PTCHD4: variants seen among roughly 807,000 people sequenced by gnomAD.
PTCHD4 encodes the protein patched domain containing 4.
Under a neutral mutation model 58.1 loss-of-function variants are expected in PTCHD4, and 33 were observed. That is an observed-to-expected ratio of 0.57 (90% CI 0.43 to 0.76). The LOEUF is 0.76. Ranked by LOEUF, PTCHD4 falls within the 30% of genes least tolerant of loss-of-function variation. The pLI, the probability that PTCHD4 is intolerant of heterozygous loss-of-function variation, is 0.00. For synonymous variants in PTCHD4, 478 were observed against 409.6 expected, an observed-to-expected ratio of 1.17 and a Z score of -2.02; for missense variants, 1,058 against 1,027.1, an observed-to-expected ratio of 1.03 and a Z score of -0.41.
chr6:48,030,645 A>C (rs1763400415), intron 3 of PTCHD4, among the ~76,000 whole-genome samples: 1 of 152,140 alleles, frequency 6.6e-6, no homozygotes, highest in Non-Finnish European at 1.5e-5. Context: ...AATATCACTG[A>C]ACAATTCAAA....
intron 4 of PTCHD4, among the ~76,000 whole-genome samples, chr6:47,934,254 ACT>A (rs1765925962): frequency 6.6e-6 from 1 of 151,862 alleles, no homozygotes; most frequent in South Asian, 2.1e-4. Flanking sequence ...CTCTCCAGGG[ACT>A]CTGGCTCTGA....
rs562536167 is a variant in PTCHD4, at chr6:48,108,268, G to C, written c.-970+2781C>G. Among the ~76,000 whole-genome samples the C allele has an allele frequency of 3.6e-4, 55 of 152,212 alleles. 2 individuals are homozygous for C. The South Asian group carries it at 0.011, about 30-fold the overall frequency. On this transcript the variant is annotated intron_variant, in intron 1 of 4. Transcript: ENST00000339488. ...CATATACACCATGGAATACTATGCA[G>C]CCATAAAAAATGATGAGTTCATGTC...
rs751123842 is a variant in PTCHD4 at position 47,878,586 on chromosome 6, T to C, written c.2249A>G (p.Gln750Arg). 12 of 1,613,516 alleles carry C rather than the reference T, an allele frequency of 7.4e-6. No individual in the cohort carries two copies. In the East Asian group the frequency reaches 2.5e-4, roughly 33 times the overall value. ...TTGCAAAATGGCTGTCCCATGGTCT[T>C]GCAAGGAGCTTTTTATACATTGTGT... Reference protein sequence around the residue: ...TRTQCIKSSLQDHGTAILQNV... With the variant: ...TRTQCIKSSLRDHGTAILQNV... Residue 750 changes from glutamine (Q) to arginine (R), a missense_variant, in exon 5 of 5, where the codon CAA (glutamine) becomes CGA (arginine). Transcript: ENST00000339488.
rs190162233 is a variant in PTCHD4, at chr6:48,026,284, A to C, written c.418-17170T>G. ...GAGGTTTCTTTGTTCACTATATTTG[A>C]TACTGGCTTCCTCATGGGAACTTCT... On this transcript the variant is annotated intron_variant, in intron 3 of 4. Coordinates refer to ENST00000339488, the MANE Select transcript of PTCHD4 (RefSeq NM_001384253.1). 5.9e-5 allele frequency among the ~76,000 whole-genome samples: 9 copies of C among 152,154 alleles called. No individual in the cohort carries two copies. In the East Asian group the frequency reaches 1.7e-3, roughly 29 times the overall value.
At chr6:47,980,320 A>T (rs1012511590) in intron 4 of PTCHD4, among the ~76,000 whole-genome samples, 1 of 152,076 alleles carries the variant, frequency 6.6e-6, no homozygotes, top group East Asian at 1.9e-4. Context: ...TTATTTAGTC[A>T]TGGAAAAATC....
intron 3 of PTCHD4, among the ~76,000 whole-genome samples, chr6:48,065,638 C>A (rs942825001): frequency 3.9e-5 from 6 of 152,154 alleles, no homozygotes; most frequent in African/African-American, 1.4e-4. Flanking sequence ...AGATTCTAGG[C>A]ATCCATGGTA....
At chr6:48,036,493 C>T (rs927053546) in intron 3 of PTCHD4, among the ~76,000 whole-genome samples, 1 of 152,134 alleles carries the variant, frequency 6.6e-6, no homozygotes, top group African/African-American at 2.4e-5. Flanking sequence ...CTGTCCTACA[C>T]CATAAAATCC....
chr6:47,965,128 TG>T (rs1161252450), intron 4 of PTCHD4, among the ~76,000 whole-genome samples: 3 of 152,352 alleles, frequency 2.0e-5, no homozygotes, highest in African/African-American at 7.2e-5. Flanking sequence ...CATTTTTAAT[TG>T]GGTACTAACG....
chr6:47,939,979 G>A (rs1369256210), intron 4 of PTCHD4, among the ~76,000 whole-genome samples: 10 of 151,912 alleles, frequency 6.6e-5, no homozygotes, highest in Non-Finnish European at 5.9e-5. Flanking sequence ...ATAACAAAGG[G>A]AACTTTTGGT....
chr6:48,024,961 G>A (rs556732279), intron 3 of PTCHD4, among the ~76,000 whole-genome samples: 22 of 152,166 alleles, frequency 1.4e-4, no homozygotes, highest in Middle Eastern at 3.4e-3. Flanking sequence ...TACATCACAC[G>A]GTTTCATTTT....
chr6:48,070,092 A>G (rs1350664538), intron 1 of PTCHD4, among the ~76,000 whole-genome samples, 166 bp from the exon 2 acceptor site: 11 of 151,524 alleles, frequency 7.3e-5, no homozygotes, highest in Admixed American at 6.6e-4. Flanking sequence ...GATCAGGTCA[A>G]CTTCAAAAAC....
chr6:48,064,799 A>G (rs749211766), intron 3 of PTCHD4, among the ~76,000 whole-genome samples: 4 of 152,184 alleles, frequency 2.6e-5, no homozygotes, highest in Non-Finnish European at 4.4e-5. Context: ...AGGATATACG[A>G]TATGATTTGT....
At chr6:47,987,780 T>G (rs1057329461) in intron 4 of PTCHD4, among the ~76,000 whole-genome samples, 7 of 127,850 alleles carry the variant, frequency 5.5e-5, no homozygotes, top group Non-Finnish European at 9.9e-5. Flanking sequence ...TCACATAACA[T>G]TTTTTTTTTT....
At chr6:48,091,014 A>G (rs180808076) in intron 1 of PTCHD4, among the ~76,000 whole-genome samples, 1 of 152,252 alleles carries the variant, frequency 6.6e-6, no homozygotes, top group Admixed American at 6.5e-5. Flanking sequence ...TTATTTGAAA[A>G]TTTCACAGTA....
chr6:47,911,621 G>A (rs1466052951), intron 4 of PTCHD4, among the ~76,000 whole-genome samples: 1 of 152,022 alleles, frequency 6.6e-6, no homozygotes, highest in East Asian at 1.9e-4. Context: ...TGACTGAATT[G>A]GTAAAGACTT....
chr6:48,045,593 A>G (rs751719076), intron 3 of PTCHD4, among the ~76,000 whole-genome samples: 1 of 151,832 alleles, frequency 6.6e-6, no homozygotes, highest in Non-Finnish European at 1.5e-5. Context: ...TGTTGTAGAC[A>G]CTGAAAAGCA....
intron 3 of PTCHD4, among the ~76,000 whole-genome samples, chr6:48,017,108 C>A (rs2114102482): frequency 6.6e-6 from 1 of 152,076 alleles, no homozygotes; most frequent in South Asian, 2.1e-4. Context: ...AATATTGTTT[C>A]TTTTTTTAAT....
At chr6:47,957,694 G>A (rs144257793) in intron 4 of PTCHD4, among the ~76,000 whole-genome samples, 210 of 150,866 alleles carry the variant, frequency 1.4e-3, no homozygotes, top group African/African-American at 4.9e-3. Flanking sequence ...TCTGCCTCCC[G>A]GGTTCACGCC....
chr6:48,022,210 T>A (rs1763095965), intron 3 of PTCHD4, among the ~76,000 whole-genome samples: 1 of 151,664 alleles, frequency 6.6e-6, no homozygotes, highest in African/African-American at 2.4e-5. Context: ...CCTTTATTTC[T>A]CTCTCTAACC....
Sources: gnomAD v4.1 joint callset for allele counts (sites outside exome capture counted in the v4.1 genomes callset) on GRCh38, gnomAD v4.1.1 for gene constraint, MANE v1.5 for transcripts, NCBI Gene and HGNC (gene_info 2026-07-23, HGNC 2026-07-21) for gene names.